The following KIF21A variants were observed in gnomAD, a reference collection of about 807,000 sequenced individuals.
KIF21A encodes the protein kinesin-like protein KIF21A.
A neutral mutation model predicts 202.9 loss-of-function variants in KIF21A; 114 were observed. The ratio of observed to expected loss-of-function variants is 0.56; its 90% CI spans 0.48 to 0.66. KIF21A has a LOEUF of 0.66. Among genes scored for constraint, KIF21A ranks in the 30% least tolerant of loss-of-function variants. The pLI is 0.00. For synonymous variants in KIF21A, 667 were observed against 670.8 expected (o/e 0.99, Z 0.09); for missense variants, 1,677 against 1,994.9 (o/e 0.84, Z 3.04).
chr12:39,316,379 A>C (rs1944546445), intron 29 of KIF21A, among the ~76,000 whole-genome samples: 1 of 152,184 alleles, frequency 6.6e-6, no homozygotes, highest in South Asian at 2.1e-4. Flanking sequence ...GATAATTATC[A>C]CTTTAGATAT....
At position 39,301,587 on chromosome 12, in the gene KIF21A, C is replaced by T; in HGVS notation, c.4824G>A (p.Leu1608=). 1.2e-6 allele frequency: 2 copies of T among 1,614,092 alleles called. No homozygotes were observed. The highest frequency in any genetic ancestry group is 1.1e-5 in the South Asian group (1 of 91,076). The change falls in exon 37 of 38, where the codon TTG becomes TTA. Residue 1608 remains leucine (L), a synonymous_variant. Transcript: ENST00000361418. ...VLLSGCRGGI[L]KVWNMDTFMP... ...TAAAAGTATCCATGTTCCAGACTTT[C>T]AAAATGCCCCCTCTGCAGCCACTGA...
At chr12:39,378,102 T>C (rs1172283846) in intron 1 of KIF21A, among the ~76,000 whole-genome samples, 1 of 152,198 alleles carries the variant, frequency 6.6e-6, no homozygotes, top group Non-Finnish European at 1.5e-5. Flanking sequence ...CAACACCCCT[T>C]GGAAAAATAA....
rs1296742863 is a variant in KIF21A, at chr12:39,309,735, A to G, written c.4128T>C (p.Thr1376=). Residue 1376 remains threonine (T), a synonymous_variant, in exon 33 of 38, where the codon ACT becomes ACC. Coordinates refer to ENST00000361418, the MANE Select transcript of KIF21A (RefSeq NM_001173464.2). The part of the protein sequence containing the change: ...DRTCKVWNLV[T]GQEIMSLGGH... Reference sequence around the variant, plus strand: ...CCCCCAGTGACATTATTTCCTGCCCAGTCACCAGATTCCATACTTTACAAG... The same window carrying G: ...CCCCCAGTGACATTATTTCCTGCCCGGTCACCAGATTCCATACTTTACAAG... 6.2e-7 allele frequency: 1 copy of G among 1,613,446 alleles called. No homozygotes were observed. Among genetic ancestry groups the G allele is most frequent in the Non-Finnish European group, 8.5e-7 (1 of 1,179,720 alleles).
At chr12:39,402,959 T>A (rs1301839371) in intron 1 of KIF21A, among the ~76,000 whole-genome samples, 2 of 152,204 alleles carry the variant, frequency 1.3e-5, no homozygotes, top group East Asian at 3.8e-4. Context: ...ACTACCATCA[T>A]ATGATTGTTG....
At position 39,442,633 on chromosome 12, in the gene KIF21A, A is replaced by T. The variant is rs1170072632; in HGVS notation, c.44+294T>A. On this transcript the variant is annotated intron_variant, in intron 1 of 37. Coordinates refer to ENST00000361418, the MANE Select transcript of KIF21A (RefSeq NM_001173464.2). This position sits in a 1 kb window ranked among gnomAD's most constrained non-coding sequence, Gnocchi z 5.0. ...TCCCGCGAGGGGACGGAGGGGAGTG[A>T]CGAGGGCTTTTCCCCCAGAGAAGTC... Among the ~76,000 whole-genome samples, 1 of 152,188 alleles carries T rather than the reference A, an allele frequency of 6.6e-6. No individual in the cohort carries two copies. The highest frequency in any genetic ancestry group is 1.5e-5 in the Non-Finnish European group (1 of 68,022).
chr12:39,389,865 T>G (rs1951220815), intron 1 of KIF21A, among the ~76,000 whole-genome samples: 1 of 152,190 alleles, frequency 6.6e-6, no homozygotes, highest in South Asian at 2.1e-4. Flanking sequence ...TTTGAAGATT[T>G]TTATATAGTG....
chr12:39,412,304 T>C (rs1953165966), intron 1 of KIF21A, among the ~76,000 whole-genome samples: 1 of 152,216 alleles, frequency 6.6e-6, no homozygotes, highest in African/African-American at 2.4e-5. Flanking sequence ...CTAGACATTA[T>C]GATGCAAAAG....
intron 1 of KIF21A, among the ~76,000 whole-genome samples, chr12:39,388,488 T>G (rs1439078072): frequency 2.0e-5 from 3 of 152,156 alleles, no homozygotes; most frequent in African/African-American, 7.2e-5. Context: ...CTCTTCCTGC[T>G]AGGCTGTACA....
Position 39,442,849 on chromosome 12 carries a change from G to C in KIF21A, c.44+78C>G, listed in dbSNP as rs1939846586. On this transcript the variant is annotated intron_variant, in intron 1 of 37. Transcript: ENST00000361418. The surrounding 1 kb of genome is among the most constrained non-coding windows in gnomAD (Gnocchi z 5.0). ...TCAGGTCGCTCCACCCCGGTAGCCG[G>C]TGCTCCGCGCCACAGCCAGGTCCTT... The C allele has an allele frequency of 6.7e-7, 1 of 1,493,756 alleles. No individual in the cohort carries two copies. The highest frequency in any genetic ancestry group is 8.9e-7 in the Non-Finnish European group (1 of 1,118,876). 92.5% of individuals were successfully genotyped at this position (1,493,756 alleles called of 1,614,324 possible).
intron 16 of KIF21A, among the ~76,000 whole-genome samples, chr12:39,339,526 T>A (rs774851783): frequency 6.6e-6 from 1 of 152,146 alleles, no homozygotes; most frequent in Non-Finnish European, 1.5e-5. Context: ...GAATGTACCA[T>A]CATTAAGCAA....
At chr12:39,416,729 ATATATGTGTATATATATAT>A (rs1353443543) in intron 1 of KIF21A, among the ~76,000 whole-genome samples, 1 of 114,320 alleles carries the variant, frequency 8.7e-6, no homozygotes, top group Non-Finnish European at 1.8e-5. Context: ...ATATGTACAT[ATATATGTGTATATATATAT>A]GTACATATAT....
At position 39,318,046 on chromosome 12, in the gene KIF21A, T is replaced by C. The variant is rs200776778; in HGVS notation, c.3908+27A>G. 1.2e-5 allele frequency: 20 copies of C among 1,603,010 alleles called. No homozygotes were observed. The Admixed American group carries it at 2.2e-4, about 17-fold the overall frequency. Reference sequence around the variant, plus strand: ...CAGGTTCAGAATATTATATAAATAATTGGGGCTCTTTTCCATAATGACTTA... The same window carrying C: ...CAGGTTCAGAATATTATATAAATAACTGGGGCTCTTTTCCATAATGACTTA... On this transcript the variant is annotated intron_variant, in intron 29 of 37. Transcript: ENST00000361418.
chr12:39,425,830 T>C (rs1954697600), intron 1 of KIF21A, among the ~76,000 whole-genome samples: 2 of 151,660 alleles, frequency 1.3e-5, no homozygotes, highest in Admixed American at 6.6e-5. Flanking sequence ...AGTCTCCTAA[T>C]GTCAGAGCCC....
intron 1 of KIF21A, among the ~76,000 whole-genome samples, chr12:39,400,586 G>A (rs1030550203): frequency 1.4e-4 from 21 of 152,110 alleles, no homozygotes; most frequent in African/African-American, 4.3e-4. Flanking sequence ...ACGGCTTCCA[G>A]CTTAATGACA....
intron 1 of KIF21A, among the ~76,000 whole-genome samples, chr12:39,437,323 T>C (rs1393776893): frequency 6.6e-6 from 1 of 152,184 alleles, no homozygotes; most frequent in Non-Finnish European, 1.5e-5. Context: ...TGAAGTTCCA[T>C]TGAGTCCCAA....
chr12:39,341,183 T>C, intron 14 of KIF21A, 89 bp from the exon 15 acceptor site: 2 of 1,042,448 alleles, frequency 1.9e-6, no homozygotes, highest in Non-Finnish European at 1.4e-6. Context: ...AACCATCAAC[T>C]AGGTATTTTT....
intron 1 of KIF21A, among the ~76,000 whole-genome samples, chr12:39,379,136 C>T (rs1469311935): frequency 6.6e-6 from 1 of 151,926 alleles, no homozygotes; most frequent in South Asian, 2.1e-4. Flanking sequence ...TCGAGACCAC[C>T]CTGGCCAATA....
chr12:39,413,422 C>G (rs558933948), intron 1 of KIF21A, among the ~76,000 whole-genome samples: 12 of 152,250 alleles, frequency 7.9e-5, no homozygotes, highest in African/African-American at 2.9e-4. Context: ...GTTCCTTGAC[C>G]AGGTGAAATA....
chr12:39,425,973 T>C (rs1419286007), intron 1 of KIF21A, among the ~76,000 whole-genome samples: 1 of 148,372 alleles, frequency 6.7e-6, no homozygotes. Context: ...CAAGGACATC[T>C]AGAAATCTAT....
Sources: gnomAD v4.1 joint callset for allele counts (sites outside exome capture counted in the v4.1 genomes callset) on GRCh38, gnomAD v4.1.1 for gene constraint, Gnocchi (gnomAD v3.1) non-coding constraint, MANE v1.5 for transcripts, NCBI Gene and HGNC (gene_info 2026-07-23, HGNC 2026-07-21) for gene names.